RORA: variants seen among roughly 807,000 people sequenced by gnomAD.
The protein encoded by RORA is RAR related orphan receptor A.
A neutral mutation model predicts 69.5 loss-of-function variants in RORA; 7 were observed. That is an observed-to-expected ratio of 0.10 (90% CI 0.06 to 0.19). RORA has a LOEUF of 0.19. Ranked by LOEUF, RORA falls within the 10% of genes least tolerant of loss-of-function variation. The pLI is 1.00. For synonymous variants in RORA, 261 were observed against 240.8 expected, an observed-to-expected ratio of 1.08 and a Z score of -0.78; for missense variants, 457 against 663.0, an observed-to-expected ratio of 0.69 and a Z score of 3.41.
In RORA at chr15:60,503,523, C is replaced by A. The variant is rs199527187; in HGVS notation, c.1075+12G>T. On this transcript the variant is annotated intron_variant, in intron 7 of 10. Transcript: ENST00000335670. Reference sequence around the variant, plus strand: ...AGGAAGAGATCTCAAAATTCACTTGCAAAGCACATACCTGCTTTTAGAAGC... The same window carrying A: ...AGGAAGAGATCTCAAAATTCACTTGAAAAGCACATACCTGCTTTTAGAAGC... The A allele has an allele frequency of 2.5e-6, 4 of 1,612,940 alleles. No individual in the cohort carries two copies. The African/African-American group carries it at 5.3e-5, about 22-fold the overall frequency.
At chr15:60,528,820 T>C (rs1195016067) in intron 3 of RORA, 7 of 152,146 alleles carry the variant, frequency 4.6e-5, no homozygotes, top group Admixed American at 4.6e-4. Context: ...CAGTCCTCAT[T>C]TTACAGATGG....
intron 1 of RORA, among the ~76,000 whole-genome samples, chr15:60,716,285 A>G (rs2071217982): frequency 6.6e-6 from 1 of 152,178 alleles, no homozygotes; most frequent in Non-Finnish European, 1.5e-5. Context: ...GACTTCTGTG[A>G]GGTGCCATAT....
chr15:60,996,360 C>G (rs574171554), intron 1 of RORA, among the ~76,000 whole-genome samples: 2 of 152,146 alleles, frequency 1.3e-5, no homozygotes, highest in African/African-American at 4.8e-5. Context: ...GCATGAGCCA[C>G]CACGCCCAGC....
chr15:60,938,085 G>C (rs1481138463), intron 1 of RORA, among the ~76,000 whole-genome samples: 6 of 152,118 alleles, frequency 3.9e-5, no homozygotes, highest in Non-Finnish European at 8.8e-5. Flanking sequence ...GGTTTTTCCA[G>C]CTTGTGTACA....
intron 1 of RORA, among the ~76,000 whole-genome samples, chr15:60,983,012 C>T (rs1254270328): frequency 4.0e-5 from 6 of 151,430 alleles, no homozygotes; most frequent in South Asian, 2.1e-4. Flanking sequence ...AGAAGACTGG[C>T]GGGTGGGGAG....
At chr15:60,777,093 T>C (rs1345004040) in intron 1 of RORA, among the ~76,000 whole-genome samples, 1 of 152,196 alleles carries the variant, frequency 6.6e-6, no homozygotes, top group Admixed American at 6.5e-5. Flanking sequence ...TTATTACTCC[T>C]TACAAGCTGT....
At chr15:60,943,774 G>C (rs1284317887) in intron 1 of RORA, among the ~76,000 whole-genome samples, 1 of 151,744 alleles carries the variant, frequency 6.6e-6, no homozygotes, top group African/African-American at 2.4e-5. Context: ...AAATTAGCCA[G>C]GCGTGGTAGC....
In RORA at chr15:61,226,330, T is replaced by C. The variant is rs2080144701; in HGVS notation, c.166+2723A>G. ...GTTGAAAATGCTAATCATAAGGTGA[T>C]GATGTTTGCTTTTCCTTTCTAGTTG... On this transcript the variant is annotated intron_variant, in intron 1 of 10. Transcript: ENST00000335670. This position sits in a 1 kb window ranked among gnomAD's most constrained non-coding sequence, Gnocchi z 4.2. Among the ~76,000 whole-genome samples the C allele has an allele frequency of 6.6e-6, 1 of 152,242 alleles. No individual in the cohort carries two copies. Among genetic ancestry groups the C allele is most frequent in the Admixed American group, 6.5e-5 (1 of 15,290 alleles).
chr15:60,701,539 T>C (rs2070981580), intron 1 of RORA, among the ~76,000 whole-genome samples: 1 of 152,188 alleles, frequency 6.6e-6, no homozygotes, highest in South Asian at 2.1e-4. Context: ...TGCTCTCCCC[T>C]GTAACTGTGA....
At chr15:60,901,103 C>T (rs1319926737) in intron 1 of RORA, among the ~76,000 whole-genome samples, 1 of 152,100 alleles carries the variant, frequency 6.6e-6, no homozygotes, top group Non-Finnish European at 1.5e-5. Context: ...GTCATTTACT[C>T]AGTAATGGAC....
At chr15:60,654,726 G>C (rs76206349) in intron 2 of RORA, among the ~76,000 whole-genome samples, 1,538 of 152,308 alleles carry the variant, frequency 0.01, 28 homozygotes, top group African/African-American at 0.035. Context: ...GTGAAACACA[G>C]AAGGTGATGT....
chr15:60,995,998 G>A (rs188788394), intron 1 of RORA, among the ~76,000 whole-genome samples: 19 of 152,206 alleles, frequency 1.2e-4, no homozygotes, highest in Non-Finnish European at 5.9e-5. Flanking sequence ...ACAAAAATGA[G>A]GAACTAAGAT....
chr15:60,667,620 CTTTTTG>C (rs2070399097), intron 2 of RORA, among the ~76,000 whole-genome samples: 1 of 151,870 alleles, frequency 6.6e-6, no homozygotes, highest in Non-Finnish European at 1.5e-5. Context: ...TTTTTTGTTT[CTTTTTG>C]TTTTTGTTTT....
chr15:61,068,926 AT>A (rs1405480651), intron 1 of RORA, among the ~76,000 whole-genome samples: 1 of 152,164 alleles, frequency 6.6e-6, no homozygotes, highest in Non-Finnish European at 1.5e-5. Flanking sequence ...TTTATGAACC[AT>A]TTCCCCCTGA....
intron 1 of RORA, among the ~76,000 whole-genome samples, chr15:60,819,746 GACAC>G (rs59044853): frequency 0.053 from 6,265 of 119,220 alleles, 189 homozygotes; most frequent in African/African-American, 0.085. Flanking sequence ...GTCAAACCCA[GACAC>G]ACACACACAC....
rs146702804 is a variant in RORA, at chr15:60,730,846, T to C, written c.167-52160A>G. ...ACAAAATCTCAGTGAGCTATTCATA[T>C]AGGAAAAGAATTTTTTTTTTTTTTG... On this transcript the variant is annotated intron_variant, in intron 1 of 10. Transcript: ENST00000335670. 5.3e-3 allele frequency among the ~76,000 whole-genome samples: 793 copies of C among 149,140 alleles called. 5 individuals carry two copies. The highest frequency in any genetic ancestry group is 0.018 in the African/African-American group (681 of 38,792).
At chr15:61,197,749 G>T (rs116785450) in intron 1 of RORA, among the ~76,000 whole-genome samples, 5 of 152,116 alleles carry the variant, frequency 3.3e-5, no homozygotes, top group Non-Finnish European at 5.9e-5. Flanking sequence ...GTTTGTCCTG[G>T]ATCCCATCCA....
intron 2 of RORA, among the ~76,000 whole-genome samples, chr15:60,568,753 G>C: frequency 6.6e-6 from 1 of 152,116 alleles, no homozygotes; most frequent in East Asian, 1.9e-4. Context: ...CATTTATCTT[G>C]AATCTAAGCA....
intron 1 of RORA, among the ~76,000 whole-genome samples, chr15:60,782,345 A>C (rs536078159): frequency 6.6e-6 from 1 of 152,336 alleles, no homozygotes; most frequent in African/African-American, 2.4e-5. Flanking sequence ...TAGCTTTTGC[A>C]ACCACTCTTT....
Sources: gnomAD v4.1 joint callset for allele counts (sites outside exome capture counted in the v4.1 genomes callset) on GRCh38, gnomAD v4.1.1 for gene constraint, Gnocchi (gnomAD v3.1) non-coding constraint, MANE v1.5 for transcripts, NCBI Gene and HGNC (gene_info 2026-07-23, HGNC 2026-07-21) for gene names.